Variants in NID1 observed in about 807,000 individuals in gnomAD.
NID1 encodes nidogen 1.
A neutral mutation model predicts 130.6 loss-of-function variants in NID1; 76 were observed. The observed-to-expected ratio is 0.58, with a 90% CI of 0.48 to 0.70. The LOEUF is 0.70. Ranked by LOEUF, NID1 falls within the 30% of genes least tolerant of loss-of-function variation. NID1 has a pLI of 0.00. For synonymous variants in NID1, 665 were observed against 675.1 expected, an observed-to-expected ratio of 0.98 and a Z score of 0.23; for missense variants, 1,517 against 1,664.8, an observed-to-expected ratio of 0.91 and a Z score of 1.54.
chr1:236,006,757 C>A (rs148859372), intron 12 of NID1, among the ~76,000 whole-genome samples: 1 of 152,252 alleles, frequency 6.6e-6, no homozygotes, highest in East Asian at 1.9e-4. Flanking sequence ...GCTCCTGGGG[C>A]TGCTGGTAAA....
At chr1:236,027,390 A>G (rs897427046) in intron 7 of NID1, among the ~76,000 whole-genome samples, 1 of 152,224 alleles carries the variant, frequency 6.6e-6, no homozygotes, top group African/African-American at 2.4e-5. Context: ...CAGAAAGGCC[A>G]TTCAGCTACA....
At chr1:236,019,070 C>T (rs187543756) in intron 9 of NID1, among the ~76,000 whole-genome samples, 23 of 152,216 alleles carry the variant, frequency 1.5e-4, no homozygotes, top group Non-Finnish European at 3.2e-4. Context: ...CTGATATGTG[C>T]GTGTTCTGTG....
In NID1 at chr1:236,063,524, T is replaced by G. The variant is rs185897922; in HGVS notation, c.225+1331A>C. Among the ~76,000 whole-genome samples, 871 of 151,870 alleles carry G rather than the reference T, an allele frequency of 5.7e-3. 3 individuals are homozygous for G. Among genetic ancestry groups the G allele is most frequent in the Non-Finnish European group, 9.3e-3 (631 of 67,922 alleles). On this transcript the variant is annotated intron_variant, in intron 1 of 19. Transcript: ENST00000264187. ...TAAATAAAGTAAGCATATAAGCATA[T>G]ATAGTACATAAGAGCATAAGATGTG...
chr1:235,977,955 C>T lies in NID1; in HGVS notation c.3656G>A (p.Cys1219Tyr). The change falls in exon 20 of 20, where the codon TGC (cysteine) becomes TAC (tyrosine). Residue 1219 changes from cysteine (C) to tyrosine (Y), a missense_variant. Cys to Tyr is a radical substitution (Grantham distance 194). Transcript: ENST00000264187. ...TGGGGTGGCCAAGCATAGGTGGGTG[C>T]AGCCGCCATTGTTCACTGAGCAGTA... ...HNYCSVNNGG[C>Y]THLCLATPGS... is the part of the protein sequence containing the mutation. The T allele has an allele frequency of 6.2e-7, 1 of 1,614,064 alleles. No homozygotes were observed.
rs369798976 is a variant in NID1, at chr1:236,048,995, C to G, written c.226-6G>C. On this transcript the variant is annotated splice_polypyrimidine_tract_variant and splice_region_variant and intron_variant, in intron 1 of 19. Transcript: ENST00000264187. ...ATGATGCCATTTGTGGTGACCTGTACAAAACCAAGTGTGGTTAAAAGGAAT... is the reference window on the plus strand; with the variant it reads ...ATGATGCCATTTGTGGTGACCTGTAGAAAACCAAGTGTGGTTAAAAGGAAT... 5.0e-6 allele frequency: 8 copies of G among 1,610,358 alleles called. No homozygotes were observed. The highest frequency in any genetic ancestry group is 2.2e-5 in the East Asian group (1 of 44,872).
chr1:235,990,843 C>T, intron 14 of NID1, 43 bp downstream of exon 14: 4 of 1,608,508 alleles, frequency 2.5e-6, no homozygotes, highest in Non-Finnish European at 3.4e-6. Flanking sequence ...TTCCAGGTCA[C>T]TGAAGCAGGA....
chr1:235,999,483 T>G lies in NID1; in HGVS notation c.2528-5611A>C, dbSNP rs4660142. On this transcript the variant is annotated intron_variant, in intron 12 of 19. Coordinates refer to ENST00000264187, the MANE Select transcript of NID1 (RefSeq NM_002508.3). ...AGCAGCCCAGGGGCTCTAGGGAGAG[T>G]CCCCTGCTGAGTGTCCCTGGCCCCC... 1.8e-3 allele frequency among the ~76,000 whole-genome samples: 271 copies of G among 151,946 alleles called. 2 individuals carry two copies. The highest frequency in any genetic ancestry group is 5.8e-3 in the African/African-American group (240 of 41,444).
At chr1:236,056,092 A>C (rs1483622877) in intron 1 of NID1, among the ~76,000 whole-genome samples, 1 of 152,136 alleles carries the variant, frequency 6.6e-6, no homozygotes. Context: ...ATCCTCCTGC[A>C]AAAGAATGAA....
At position 235,985,412 on chromosome 1, in the gene NID1, G is replaced by A; in HGVS notation, c.3022C>T (p.His1008Tyr). The part of the protein sequence containing the change: ...TEPSIGRASL[H>Y]GGEPTTIIRQ... ...ATGATGGTGGTTGGCTCTCCACCAT[G>A]TAGACTAGCTCTCCCAATGGAAGGC... is the stretch of plus-strand genomic sequence containing the variant. The change falls in exon 15 of 20, where the codon CAT becomes TAT. Residue 1008 changes from histidine (H) to tyrosine (Y), a missense_variant. Around this residue, in one of 3 missense-constraint regions of NID1, gnomAD observed 1,329 missense variants for 1,429.2 expected, o/e 0.93. Transcript: ENST00000264187. 6.2e-7 allele frequency: 1 copy of A among 1,614,086 alleles called. No homozygotes were observed. The highest frequency in any genetic ancestry group is 1.1e-5 in the South Asian group (1 of 91,086).
In NID1 at chr1:236,048,953, G is replaced by C; in HGVS notation, c.262C>G (p.Pro88Ala). 6.2e-7 allele frequency: 1 copy of C among 1,614,076 alleles called. No homozygotes were observed. Among genetic ancestry groups the C allele is most frequent in the Non-Finnish European group, 8.5e-7 (1 of 1,180,014 alleles). Reference protein sequence around the residue: ...TNGIIATSEPPAKESHPGLFP... With the variant: ...TNGIIATSEPAAKESHPGLFP... ...AGCCCGGGATGGGATTCTTTGGCCG[G>C]GGGTTCACTCGTAGCAATGATGCCA... is the stretch of plus-strand genomic sequence containing the variant. The change falls in exon 2 of 20, where the codon CCG (proline) becomes GCG (alanine). Residue 88 changes from proline to alanine, a missense_variant. By Grantham distance (27) the Pro-to-Ala change is conservative. Transcript: ENST00000264187.
intron 1 of NID1, among the ~76,000 whole-genome samples, chr1:236,050,218 T>C (rs957021409): frequency 2.0e-5 from 3 of 152,180 alleles, no homozygotes; most frequent in Non-Finnish European, 4.4e-5. Context: ...TTTTAATTAC[T>C]TCATGAATTG....
chr1:236,017,277 C>T lies in NID1; in HGVS notation c.2129-4G>A. 1 of 1,612,966 alleles carries T rather than the reference C, an allele frequency of 6.2e-7. No individual in the cohort carries two copies. The highest frequency in any genetic ancestry group is 8.5e-7 in the Non-Finnish European group (1 of 1,179,636). ...TGTTCTGAACATTCATCAATATCTGCAGCAAAAATTTTTTTTTACTGCAGG... is the reference window on the plus strand; with the variant it reads ...TGTTCTGAACATTCATCAATATCTGTAGCAAAAATTTTTTTTTACTGCAGG... On this transcript the variant is annotated splice_polypyrimidine_tract_variant and splice_region_variant and intron_variant, in intron 9 of 19. Transcript: ENST00000264187.
At chr1:235,987,786 G>C (rs1355903359) in intron 14 of NID1, among the ~76,000 whole-genome samples, 1 of 152,170 alleles carries the variant, frequency 6.6e-6, no homozygotes, top group Non-Finnish European at 1.5e-5. Context: ...GGTGGACCAG[G>C]ATGATCTTTT....
rs533389589 is a variant in NID1, at chr1:235,990,791, G to A, written c.2928+95C>T. On this transcript the variant is annotated intron_variant, in intron 14 of 19. Transcript: ENST00000264187. ...TGGAATGAGCACCCATGGTTCCAGG[G>A]GTTGAGCCTGGGGTTCTGGTCTGAT... 2.9e-6 allele frequency: 4 copies of A among 1,382,282 alleles called. No individual in the cohort carries two copies. The East Asian group carries it at 6.9e-5, about 24-fold the overall frequency. 85.6% of individuals were successfully genotyped at this position (1,382,282 alleles called of 1,614,324 possible). A position where few individuals can be genotyped will look rare whatever the true frequency, so the allele number is the denominator to read the frequency against.
chr1:236,018,222 C>T (rs916585431), intron 9 of NID1, among the ~76,000 whole-genome samples: 4 of 152,172 alleles, frequency 2.6e-5, no homozygotes, highest in Non-Finnish European at 5.9e-5. Context: ...TCAAATCCTG[C>T]TTCCTTTAGC....
Position 236,045,443 on chromosome 1 carries a change from C to T in NID1, c.752+14G>A, listed in dbSNP as rs1167702740. The T allele has an allele frequency of 1.3e-6, 2 of 1,576,310 alleles. No homozygotes were observed. Among genetic ancestry groups the T allele is most frequent in the African/African-American group, 2.7e-5 (2 of 74,008 alleles). ...ATTAAGAGGAGAATCTACTGAAGAA[C>T]AAAGAAAGCATACTTGGCCAAATTT... On this transcript the variant is annotated intron_variant, in intron 3 of 19. Transcript: ENST00000264187.
chr1:235,997,752 G>A (rs917838924), intron 12 of NID1, among the ~76,000 whole-genome samples: 1 of 151,962 alleles, frequency 6.6e-6, no homozygotes, highest in Non-Finnish European at 1.5e-5. Flanking sequence ...GACTACAGGT[G>A]CCCACCACCA....
intron 12 of NID1, among the ~76,000 whole-genome samples, chr1:236,004,138 T>G (rs1658170794): frequency 6.7e-6 from 1 of 149,998 alleles, no homozygotes; most frequent in Admixed American, 6.6e-5. Context: ...GGTGTTGTGG[T>G]GGGGAAAGAA....
At chr1:236,025,863 C>T (rs1367638139) in intron 8 of NID1, 33 bp downstream of exon 8, 1 of 1,600,948 alleles carries the variant, frequency 6.2e-7, no homozygotes, top group African/African-American at 1.3e-5. Context: ...AATGCATGAG[C>T]ACCTGTGCCC....
Sources: allele counts gnomAD v4.1 joint callset (sites outside exome capture counted in the v4.1 genomes callset), GRCh38; gene constraint gnomAD v4.1.1; regional missense constraint gnomAD v4.1.1; transcripts MANE v1.5; gene names NCBI Gene and HGNC (gene_info 2026-07-23, HGNC 2026-07-21).